Variants in WNT8A observed in about 807,000 individuals in gnomAD.
WNT8A encodes the protein Wnt family member 8A, also known as protein Wnt-8a.
In WNT8A, 14 loss-of-function variants were observed where a neutral mutation model predicts 20.5. The observed-to-expected ratio is 0.68, with a 90% CI of 0.45 to 1.07. The LOEUF (loss-of-function observed/expected upper bound fraction) is 1.07, where lower values mean the gene tolerates loss of function less well. Among genes scored for constraint, WNT8A ranks in the 50% least tolerant of loss-of-function variants. The probability of loss-of-function intolerance (pLI) is 0.00; values close to 1 mark genes in which losing one functional copy is unlikely to be tolerated. For missense variants in WNT8A, 397 were observed against 462.9 expected (o/e 0.86, Z 1.31); for synonymous variants, 167 against 169.2 (o/e 0.99, Z 0.10).
chr5:138,083,029 C>T (rs1339801678), upstream of WNT8A, among the ~76,000 whole-genome samples: 1 of 151,974 alleles, frequency 6.6e-6, no homozygotes, highest in Non-Finnish European at 1.5e-5. Context: ...TGCCTATAAT[C>T]CCAGCATTTT....
chr5:138,084,487 C>T lies in WNT8A; in HGVS notation c.157-11C>T. On this transcript the variant is annotated splice_polypyrimidine_tract_variant and intron_variant, in intron 1 of 4. Coordinates refer to ENST00000506684, the MANE Select transcript of WNT8A (RefSeq NM_001300939.2). The stretch of plus-strand genomic sequence containing the variant: ...CCGGGCAGAAGCTCACAGCCCTTTT[C>T]CCTTTGCCAGGCCTATCTGACCTAC... 2 of 1,593,570 alleles carry T rather than the reference C, an allele frequency of 1.3e-6. No homozygotes were observed. Among genetic ancestry groups the T allele is most frequent in the Non-Finnish European group, 1.7e-6 (2 of 1,168,932 alleles).
chr5:138,089,195 C>T (rs1215482664), intron 4 of WNT8A, 126 bp downstream of exon 4: 3 of 1,370,940 alleles, frequency 2.2e-6, no homozygotes, highest in Admixed American at 5.0e-5. Context: ...TGGCTACCCG[C>T]ATTCTCTGGA....
intron 2 of WNT8A, 130 bp from the exon 3 acceptor site, chr5:138,087,676 A>AAT: frequency 1.3e-6 from 1 of 777,494 alleles, no homozygotes; most frequent in Non-Finnish European, 1.9e-6. Context: ...AAAAAAAAAG[A>AAT]AAGAAAAGCA....
chr5:138,090,194 AGCTGG>A (rs1750799841), intron 4 of WNT8A, among the ~76,000 whole-genome samples: 1 of 152,278 alleles, frequency 6.6e-6, no homozygotes, highest in Non-Finnish European at 1.5e-5. Context: ...TTCTTATTCC[AGCTGG>A]GCAGATAGAG....
At chr5:138,080,340 A>T (rs1420276107), upstream of WNT8A, among the ~76,000 whole-genome samples, 1 of 148,306 alleles carries the variant, frequency 6.7e-6, no homozygotes, top group African/African-American at 2.5e-5. Context: ...AAAACAAAAA[A>T]CCGCACACAC....
the WNT8A span, among the ~76,000 whole-genome samples, chr5:138,077,494 C>T: frequency 1.3e-5 from 2 of 152,106 alleles, no homozygotes; most frequent in Admixed American, 6.6e-5. Flanking sequence ...TGGCCTGAAC[C>T]GAGTAGGTAA....
chr5:138,086,414 C>T (rs1222433754), intron 2 of WNT8A, among the ~76,000 whole-genome samples: 3 of 151,598 alleles, frequency 2.0e-5, no homozygotes, highest in African/African-American at 4.8e-5. Context: ...GACAGGGTTT[C>T]GTCATGTTGC....
upstream of WNT8A, chr5:138,083,902 C>G (rs923771085): frequency 3.0e-5 from 16 of 535,718 alleles, no homozygotes; most frequent in Non-Finnish European, 3.8e-5. Context: ...AGTCCCTCCT[C>G]CCAGATCCCC....
chr5:138,084,173 A>G lies in WNT8A; in HGVS notation c.46A>G (p.Thr16Ala), dbSNP rs377051037. 1.4e-5 allele frequency: 23 copies of G among 1,613,902 alleles called. No individual in the cohort carries two copies. The highest frequency in any genetic ancestry group is 1.9e-5 in the Non-Finnish European group (23 of 1,179,972). ...CCTCTGCCTGGTAAGTCCTTTCCCA[A>G]CCCTCACTCCTTGCCAAGGAGGCCC... is the stretch of plus-strand genomic sequence containing the variant. ...QCLCLVSPFPTLTPCQGGPHC... is the reference protein window; with the variant it reads ...QCLCLVSPFPALTPCQGGPHC... Residue 16 changes from threonine to alanine, a missense_variant, in exon 1 of 5, where the codon ACC (threonine) becomes GCC (alanine). By Grantham distance (58) the Thr-to-Ala change is moderately conservative. Coordinates refer to ENST00000506684, the MANE Select transcript of WNT8A (RefSeq NM_001300939.2).
rs779016121 is a variant in WNT8A at position 138,084,521 on chromosome 5, T to C, written c.180T>C (p.Ser60=). ...GPKAYLTYTT[S]VALGAQSGIE... ...AGGCCTATCTGACCTACACGACTAG[T>C]GTGGCCTTGGGTGCCCAGAGTGGCA... is the stretch of plus-strand genomic sequence containing the variant. Residue 60 remains serine (S), a synonymous_variant, in exon 2 of 5, where the codon AGT becomes AGC. Coordinates refer to ENST00000506684, the MANE Select transcript of WNT8A (RefSeq NM_001300939.2). 1 of 1,612,490 alleles carries C rather than the reference T, an allele frequency of 6.2e-7. No homozygotes were observed. Among genetic ancestry groups the C allele is most frequent in the Non-Finnish European group, 8.5e-7 (1 of 1,179,186 alleles).
Position 138,091,175 on chromosome 5 carries a change from T to A in WNT8A, c.*102T>A. The A allele has an allele frequency of 1.3e-6, 2 of 1,539,016 alleles. No homozygotes were observed. The highest frequency in any genetic ancestry group is 1.9e-5 in the Admixed American group (1 of 51,400). On this transcript the variant is annotated 3_prime_UTR_variant, in exon 5 of 5. Coordinates refer to ENST00000506684, the MANE Select transcript of WNT8A (RefSeq NM_001300939.2). ...TGGAAAGCAATCGGAAAATTGCAGT[T>A]TTGGTCTGTAGTCCTCATGATATCT...
intron 2 of WNT8A, among the ~76,000 whole-genome samples, chr5:138,086,350 T>C (rs1750661429): frequency 1.3e-5 from 2 of 152,230 alleles, no homozygotes; most frequent in Middle Eastern, 6.8e-3. Flanking sequence ...CCTGAGTAGC[T>C]GGGACTATAG....
chr5:138,090,930 A>G lies in WNT8A; in HGVS notation c.967A>G (p.Lys323Glu), dbSNP rs1750830275. The G allele has an allele frequency of 1.2e-6, 2 of 1,614,200 alleles. No homozygotes were observed. Among genetic ancestry groups the G allele is most frequent in the Non-Finnish European group, 1.7e-6 (2 of 1,180,030 alleles). Reference protein sequence around the residue: ...TECGLQVEERKTEVISSCNCK... With the variant: ...TECGLQVEERETEVISSCNCK... ...GTGTGGGCTGCAGGTGGAAGAGAGG[A>G]AAACTGAGGTCATAAGCAGCTGTAA... is the stretch of plus-strand genomic sequence containing the variant. The change falls in exon 5 of 5, where the codon AAA (lysine) becomes GAA (glutamate). Residue 323 changes from lysine to glutamate, a missense_variant. By Grantham distance (56) the Lys-to-Glu change is moderately conservative. Coordinates refer to ENST00000506684, the MANE Select transcript of WNT8A (RefSeq NM_001300939.2).
At chr5:138,088,856 G>A (rs1018832693) in intron 3 of WNT8A, 71 bp from the exon 4 acceptor site, 20 of 1,572,696 alleles carry the variant, frequency 1.3e-5, no homozygotes, top group Admixed American at 7.0e-5. Flanking sequence ...AGGGCTCTTG[G>A]GGGTGGTTTG....
chr5:138,086,126 C>T (rs1474706505), intron 2 of WNT8A, among the ~76,000 whole-genome samples: 1 of 152,168 alleles, frequency 6.6e-6, no homozygotes, highest in African/African-American at 2.4e-5. Context: ...GGCTAGTGGA[C>T]AGAGGTCTAG....
upstream of WNT8A, among the ~76,000 whole-genome samples, chr5:138,081,472 G>A (rs1466815016): frequency 3.3e-5 from 5 of 152,024 alleles, no homozygotes; most frequent in Admixed American, 2.0e-4. Context: ...GGACTTCCTC[G>A]GAGCTATCAC....
upstream of WNT8A, among the ~76,000 whole-genome samples, chr5:138,081,074 T>C (rs180754508): frequency 1.4e-4 from 21 of 152,060 alleles, no homozygotes; most frequent in East Asian, 4.1e-3. Context: ...ACCCTGTCTC[T>C]ACTAAAAATT....
At position 138,088,929 on chromosome 5, in the gene WNT8A, G is replaced by A; in HGVS notation, c.424G>A (p.Gly142Ser). The part of the protein sequence containing the change: ...CDGSNNGKTG[G>S]HGWIWGGCSD... ...ACTTATTCTGTCCTTGTATATAGGAGGCCATGGCTGGATCTGGGGAGGCTG... is the reference window on the plus strand; with the variant it reads ...ACTTATTCTGTCCTTGTATATAGGAAGCCATGGCTGGATCTGGGGAGGCTG... Residue 142 changes from glycine to serine, a missense_variant and splice_region_variant, in exon 4 of 5, where the codon GGC becomes AGC. By Grantham distance (56) the Gly-to-Ser change is moderately conservative (BLOSUM62 0). Coordinates refer to ENST00000506684, the MANE Select transcript of WNT8A (RefSeq NM_001300939.2). 5 of 1,613,824 alleles carry A rather than the reference G, an allele frequency of 3.1e-6. No homozygotes were observed. Among genetic ancestry groups the A allele is most frequent in the Non-Finnish European group, 4.2e-6 (5 of 1,179,936 alleles).
chr5:138,090,892 G>A lies in WNT8A; in HGVS notation c.929G>A (p.Arg310His), dbSNP rs34457552. The A allele has an allele frequency of 2.8e-5, 46 of 1,614,086 alleles. No individual in the cohort carries two copies. Among genetic ancestry groups the A allele is most frequent in the South Asian group, 6.6e-5 (6 of 91,086 alleles). The change falls in exon 5 of 5, where the codon CGC (arginine) becomes CAC (histidine). Residue 310 changes from arginine to histidine, a missense_variant. Arg to His is a conservative substitution (Grantham distance 29). Transcript: ENST00000506684. The stretch of plus-strand genomic sequence containing the variant: ...AGGTGGGAGCGACGTAGCTGTGGGC[G>A]CCTGTGCACTGAGTGTGGGCTGCAG... Reference protein sequence around the residue: ...TSRWERRSCGRLCTECGLQVE... With the variant: ...TSRWERRSCGHLCTECGLQVE...
Sources: gnomAD v4.1 joint callset for allele counts (sites outside exome capture counted in the v4.1 genomes callset) on GRCh38, gnomAD v4.1.1 for gene constraint, MANE v1.5 for transcripts, NCBI Gene and HGNC (gene_info 2026-07-23, HGNC 2026-07-21) for gene names.